The following CNRIP1 variants were observed in gnomAD, a reference collection of about 807,000 sequenced individuals.
The protein encoded by CNRIP1 is cannabinoid receptor interacting protein 1.
In CNRIP1, 10 loss-of-function variants were observed where a neutral mutation model predicts 15.2. The ratio of observed to expected loss-of-function variants is 0.66; its 90% CI spans 0.41 to 1.12. The LOEUF (loss-of-function observed/expected upper bound fraction) is 1.12, where lower values mean the gene tolerates loss of function less well. Among genes scored for constraint, CNRIP1 ranks in the 50% most tolerant of loss-of-function variants. CNRIP1 has a pLI of 0.00. For missense variants in CNRIP1, 211 were observed against 214.7 expected, an observed-to-expected ratio of 0.98 and a Z score of 0.11; for synonymous variants, 91 against 83.2, an observed-to-expected ratio of 1.09 and a Z score of -0.51.
downstream of CNRIP1, among the ~76,000 whole-genome samples, chr2:68,291,654 G>A (rs1293500921): frequency 6.6e-6 from 1 of 152,160 alleles, no homozygotes; most frequent in Non-Finnish European, 1.5e-5. Flanking sequence ...GCCAAGGCAG[G>A]TAGATCACGA....
chr2:68,307,980 C>T (rs563922310), intron 2 of CNRIP1, among the ~76,000 whole-genome samples: 5 of 152,144 alleles, frequency 3.3e-5, no homozygotes, highest in East Asian at 1.9e-4. Flanking sequence ...ATTGCTTGAG[C>T]GCAGGAGTTT....
Position 68,302,271 on chromosome 2 carries a change from A to G in CNRIP1, c.331-8245T>C, listed in dbSNP as rs147032862. On this transcript the variant is annotated intron_variant, in intron 2 of 2. Coordinates refer to ENST00000263655, the MANE Select transcript of CNRIP1 (RefSeq NM_015463.3). ...AGACCAGACAGCTGTCACGAGGACC[A>G]ACTTCTATATTTGGAAGGCTATTTC... Among the ~76,000 whole-genome samples the G allele has an allele frequency of 7.6e-3, 1,154 of 152,298 alleles. 17 individuals carry two copies. Among genetic ancestry groups the G allele is most frequent in the African/African-American group, 0.026 (1,088 of 41,552 alleles).
At chr2:68,284,357 G>A in exon 3 of CNRIP1, 4 of 1,021,806 alleles carry the variant, frequency 3.9e-6, no homozygotes, top group Non-Finnish European at 5.4e-6. Flanking sequence ...CCCCTAGAAT[G>A]CAAAGCAAAT....
At position 68,319,750 on chromosome 2, in the gene CNRIP1, G is replaced by T. The variant is rs1672432684; in HGVS notation, c.-350C>A. On this transcript the variant is annotated 5_prime_UTR_variant, in exon 1 of 3. Transcript: ENST00000263655. The stretch of plus-strand genomic sequence containing the variant: ...GCAGATCCGCGCAGCTGGGGGCGAG[G>T]GAGTTAATCCTGTTTACGCACCACA... The T allele has an allele frequency of 3.8e-6, 1 of 260,370 alleles. No individual in the cohort carries two copies. Among genetic ancestry groups the T allele is most frequent in the Admixed American group, 5.6e-5 (1 of 17,734 alleles). The allele number at this position is 260,370 out of a possible 1,614,324, so 16.1% of individuals were successfully genotyped here.
At chr2:68,294,176 G>C (rs944080990) in intron 2 of CNRIP1, 150 bp from the exon 3 acceptor site, 2 of 687,548 alleles carry the variant, frequency 2.9e-6, no homozygotes, top group African/African-American at 3.6e-5. Flanking sequence ...TTCCTTTAGT[G>C]GTCTAGCTCC....
At position 68,293,723 on chromosome 2, in the gene CNRIP1, A is replaced by T; in HGVS notation, c.*139T>A. 1 of 1,444,228 alleles carries T rather than the reference A, an allele frequency of 6.9e-7. No individual in the cohort carries two copies. The highest frequency in any genetic ancestry group is 9.1e-7 in the Non-Finnish European group (1 of 1,097,510). The allele number at this position is 1,444,228 out of a possible 1,614,324, so 89.5% of individuals were successfully genotyped here. A position where few individuals can be genotyped will look rare whatever the true frequency, so the allele number is the denominator to read the frequency against. On this transcript the variant is annotated 3_prime_UTR_variant, in exon 3 of 3. Transcript: ENST00000263655. ...TGTGTCAGAGGGGAATTACACTTTC[A>T]AAATAACCAGGGCTAGTAGGTCATT...
chr2:68,286,694 G>C (rs765798553), intron 2 of CNRIP1, among the ~76,000 whole-genome samples: 1 of 152,166 alleles, frequency 6.6e-6, no homozygotes, highest in Non-Finnish European at 1.5e-5. Flanking sequence ...CCCTTGGGAT[G>C]GTCATTTCAG....
downstream of CNRIP1, among the ~76,000 whole-genome samples, chr2:68,288,174 G>A (rs750147287): frequency 6.6e-6 from 1 of 152,082 alleles, no homozygotes; most frequent in African/African-American, 2.4e-5. Flanking sequence ...GCTGTCCAGA[G>A]ATCTTAAGAA....
intron 2 of CNRIP1, among the ~76,000 whole-genome samples, chr2:68,305,154 G>A (rs1288302097): frequency 1.3e-5 from 2 of 150,732 alleles, no homozygotes; most frequent in African/African-American, 4.9e-5. Flanking sequence ...TGAGGCAGGA[G>A]AATTGCTTGA....
chr2:68,319,289 T>C lies in CNRIP1; in HGVS notation c.112A>G (p.Ile38Val), dbSNP rs1672401257. 3.9e-6 allele frequency: 6 copies of C among 1,552,396 alleles called. No homozygotes were observed. The highest frequency in any genetic ancestry group is 2.4e-5 in the East Asian group (1 of 41,346). Residue 38 changes from isoleucine to valine, a missense_variant, in exon 1 of 3, where the codon ATC becomes GTC. Physicochemically the swap from Ile to Val is conservative, Grantham distance 29. Coordinates refer to ENST00000263655, the MANE Select transcript of CNRIP1 (RefSeq NM_015463.3). ...TAGGAGGAGCCGGTGAGCAGCTTGA[T>C]GGTGCGGTTCTGGCCGAAGCGCTGC... ...DGQRFGQNRTIKLLTGSSYKV... is the reference protein window; with the variant it reads ...DGQRFGQNRTVKLLTGSSYKV...
intron 1 of CNRIP1, among the ~76,000 whole-genome samples, chr2:68,317,648 G>A (rs1417391354): frequency 6.6e-6 from 1 of 152,066 alleles, no homozygotes; most frequent in Admixed American, 6.6e-5. Flanking sequence ...CCAACAATCA[G>A]GGGTCCTATG....
At chr2:68,299,481 C>T (rs574746433) in intron 2 of CNRIP1, among the ~76,000 whole-genome samples, 228 of 152,164 alleles carry the variant, frequency 1.5e-3, no homozygotes, top group African/African-American at 5.3e-3. Flanking sequence ...CTTCTTCTGC[C>T]GTATGAGGAT....
chr2:68,297,567 C>CAAAAAAAAAAAAAAAA (rs112601365), intron 2 of CNRIP1, among the ~76,000 whole-genome samples: 2 of 98,870 alleles, frequency 2.0e-5, no homozygotes, highest in African/African-American at 4.1e-5. Flanking sequence ...GACACTGTCT[C>CAAAAAAAAAAAAAAAA]AAAAAAAAAA....
chr2:68,285,939 T>C (rs921375933), intron 2 of CNRIP1, among the ~76,000 whole-genome samples: 3 of 152,158 alleles, frequency 2.0e-5, no homozygotes, highest in Non-Finnish European at 4.4e-5. Flanking sequence ...AAAGGTGAAA[T>C]GCTATAGAAA....
intron 2 of CNRIP1, among the ~76,000 whole-genome samples, chr2:68,297,229 G>A (rs919198314): frequency 6.6e-6 from 1 of 152,008 alleles, no homozygotes; most frequent in Non-Finnish European, 1.5e-5. Context: ...AGGAACATTG[G>A]AATAAAAAAT....
rs148651483 is a variant in CNRIP1 at position 68,310,820 on chromosome 2, G to A, written c.330+6337C>T. ...TACAAATGTGCTCAGATAAATTAAGGAAAACATGGTCTCAATTAGCCAACA... is the reference window on the plus strand; with the variant it reads ...TACAAATGTGCTCAGATAAATTAAGAAAAACATGGTCTCAATTAGCCAACA... On this transcript the variant is annotated intron_variant, in intron 2 of 2. Coordinates refer to ENST00000263655, the MANE Select transcript of CNRIP1 (RefSeq NM_015463.3). Among the ~76,000 whole-genome samples, 477 of 151,944 alleles carry A rather than the reference G, an allele frequency of 3.1e-3. 2 individuals are homozygous for A. The highest frequency in any genetic ancestry group is 6.5e-3 in the Admixed American group (99 of 15,264).
intron 2 of CNRIP1, among the ~76,000 whole-genome samples, chr2:68,299,230 G>A (rs1405212699): frequency 6.6e-6 from 1 of 151,544 alleles, no homozygotes. Flanking sequence ...TGGTTATAGT[G>A]GACAGTTTTT....
At chr2:68,286,761 G>T (rs1235995609) in intron 2 of CNRIP1, among the ~76,000 whole-genome samples, 1 of 152,136 alleles carries the variant, frequency 6.6e-6, no homozygotes, top group Non-Finnish European at 1.5e-5. Flanking sequence ...TCTAGATGAG[G>T]GTAAGCGTGT....
intron 2 of CNRIP1, among the ~76,000 whole-genome samples, chr2:68,312,419 G>A (rs1672126914): frequency 6.6e-6 from 1 of 152,036 alleles, no homozygotes; most frequent in East Asian, 1.9e-4. Flanking sequence ...ATACGTTCAT[G>A]ATTAAAAAAA....
Sources: gnomAD v4.1 joint callset for allele counts (sites outside exome capture counted in the v4.1 genomes callset) on GRCh38, gnomAD v4.1.1 for gene constraint, MANE v1.5 for transcripts, NCBI Gene and HGNC (gene_info 2026-07-23, HGNC 2026-07-21) for gene names.